Variants in RNF220 observed in about 807,000 individuals in gnomAD.
RNF220 encodes the protein ring finger protein 220.
A neutral mutation model predicts 67.1 loss-of-function variants in RNF220; 7 were observed. The observed-to-expected ratio is 0.10, with a 90% CI of 0.06 to 0.20. RNF220 has a LOEUF of 0.20. Among genes scored for constraint, RNF220 ranks in the 10% least tolerant of loss-of-function variants. The pLI, the probability that RNF220 is intolerant of heterozygous loss-of-function variation, is 1.00. For synonymous variants in RNF220, 270 were observed against 283.2 expected (o/e 0.95, Z 0.47); for missense variants, 565 against 740.3 (o/e 0.76, Z 2.75).
chr1:44,520,085 T>TTTTGTG (rs1275270439), intron 2 of RNF220, among the ~76,000 whole-genome samples: 3 of 106,386 alleles, frequency 2.8e-5, no homozygotes, highest in African/African-American at 1.1e-4. Flanking sequence ...AAGTCCAGCA[T>TTTTGTG]TGTGTGTGTG....
At chr1:44,528,645 C>T (rs1404573571) in intron 2 of RNF220, among the ~76,000 whole-genome samples, 2 of 141,506 alleles carry the variant, frequency 1.4e-5, no homozygotes, top group Non-Finnish European at 3.0e-5. Flanking sequence ...GACAGAATCT[C>T]ACTCTATTGC....
intron 2 of RNF220, among the ~76,000 whole-genome samples, chr1:44,446,640 A>G (rs1572528098): frequency 6.6e-6 from 1 of 150,650 alleles, no homozygotes. Context: ...GCTCACTGCA[A>G]CCTCCACCTC....
rs571697109 is a variant in RNF220 at position 44,447,944 on chromosome 1, G to A, written c.625+35222G>A. On this transcript the variant is annotated intron_variant, in intron 2 of 14. Coordinates refer to ENST00000361799, the MANE Select transcript of RNF220 (RefSeq NM_018150.4). The stretch of plus-strand genomic sequence containing the variant: ...ACAGCTTTGCGCGTCGCTTAGCTAC[G>A]GGGAGATGATGGTGGATGCAAACAT... Among the ~76,000 whole-genome samples the A allele has an allele frequency of 2.1e-3, 318 of 152,242 alleles. 1 individual carries two copies. The highest frequency in any genetic ancestry group is 3.3e-3 in the Non-Finnish European group (224 of 68,024).
Position 44,645,411 on chromosome 1 carries a change from G to A in RNF220, c.1368G>A (p.Glu456=), listed in dbSNP as rs373711880. ...TPEFSKWASD[E]MPSTSNGESS... ...TGAGTTGCCCCTCTGTCCCAGCAGA[G>A]ATGCCATCCACCAGCAATGGTGAAA... The change falls in exon 12 of 15, where the codon GAG becomes GAA. Residue 456 remains glutamate (E), a splice_region_variant and synonymous_variant. Transcript: ENST00000361799. This position sits in a 1 kb window ranked among gnomAD's most constrained non-coding sequence, Gnocchi z 5.0. The A allele has an allele frequency of 1.3e-5, 21 of 1,614,096 alleles. No individual in the cohort carries two copies. The African/African-American group carries it at 2.8e-4, about 22-fold the overall frequency.
chr1:44,617,094 C>T (rs1283881971), intron 3 of RNF220, among the ~76,000 whole-genome samples: 1 of 152,248 alleles, frequency 6.6e-6, no homozygotes, highest in Non-Finnish European at 1.5e-5. Context: ...AGCACCCCTA[C>T]GCCCATGCCC....
chr1:44,573,839 C>T (rs1053362370), intron 2 of RNF220, among the ~76,000 whole-genome samples: 5 of 152,182 alleles, frequency 3.3e-5, no homozygotes, highest in East Asian at 3.8e-4. Context: ...CAGGGCTGGG[C>T]GTGGTGGCTC....
intron 2 of RNF220, among the ~76,000 whole-genome samples, chr1:44,452,333 C>T (rs1262364676): frequency 6.6e-6 from 1 of 152,022 alleles, no homozygotes; most frequent in Non-Finnish European, 1.5e-5. Flanking sequence ...GTGGGCTGAT[C>T]GCTTGAGGTC....
intron 2 of RNF220, among the ~76,000 whole-genome samples, chr1:44,415,999 T>C (rs1476783061): frequency 6.7e-6 from 1 of 150,202 alleles, no homozygotes; most frequent in Admixed American, 6.8e-5. Flanking sequence ...GACAGAAATA[T>C]AGCGATTTGG....
intron 2 of RNF220, among the ~76,000 whole-genome samples, chr1:44,518,537 A>G (rs2148146906): frequency 6.6e-6 from 1 of 152,156 alleles, no homozygotes; most frequent in South Asian, 2.1e-4. Context: ...CAGGCAGTGC[A>G]TGGTATTCCT....
At chr1:44,432,142 CCCATGTTAAAGCA>C (rs1253302403) in intron 2 of RNF220, among the ~76,000 whole-genome samples, 3 of 152,094 alleles carry the variant, frequency 2.0e-5, no homozygotes. Context: ...CCTGTGTTTC[CCCATGTTAAAGCA>C]CTTTGAATTT....
chr1:44,463,266 C>T (rs1653958596), intron 2 of RNF220, among the ~76,000 whole-genome samples: 1 of 150,774 alleles, frequency 6.6e-6, no homozygotes, highest in Non-Finnish European at 1.5e-5. Flanking sequence ...ACCCGGGAGG[C>T]AGAAGCTGCA....
intron 6 of RNF220, 179 bp downstream of exon 6, chr1:44,632,564 C>T: frequency 1.5e-6 from 1 of 662,098 alleles, no homozygotes; most frequent in Non-Finnish European, 2.6e-6. Context: ...CCCCGTCTGT[C>T]TAATGGAGGT....
chr1:44,450,103 G>A lies in RNF220; in HGVS notation c.625+37381G>A, dbSNP rs148001936. ...GCATGCCTGTAATCCCAGCTACCCC[G>A]GAGGCTGAGGCAGGAGAATCGTTTG... On this transcript the variant is annotated intron_variant, in intron 2 of 14. Transcript: ENST00000361799. 6.2e-3 allele frequency among the ~76,000 whole-genome samples: 941 copies of A among 152,220 alleles called. 14 individuals are homozygous for A. Among genetic ancestry groups the A allele is most frequent in the African/African-American group, 0.021 (891 of 41,538 alleles).
chr1:44,461,127 G>A (rs1450276383), intron 2 of RNF220, among the ~76,000 whole-genome samples: 1 of 152,138 alleles, frequency 6.6e-6, no homozygotes, highest in Non-Finnish European at 1.5e-5. Flanking sequence ...CCTAGAGTCT[G>A]GTGCCTAGTC....
intron 2 of RNF220, among the ~76,000 whole-genome samples, chr1:44,555,752 G>C (rs1663029450): frequency 6.6e-6 from 1 of 150,660 alleles, no homozygotes; most frequent in Admixed American, 6.6e-5. Context: ...TGAGATTACA[G>C]GCGTGAGCCA....
At chr1:44,445,374 G>C (rs145396045) in intron 2 of RNF220, among the ~76,000 whole-genome samples, 148 of 152,224 alleles carry the variant, frequency 9.7e-4, no homozygotes, top group African/African-American at 3.3e-3. Context: ...AAACCCTGTT[G>C]TTGTAATTCC....
At chr1:44,627,796 C>T (rs1349843586) in intron 5 of RNF220, among the ~76,000 whole-genome samples, 2 of 152,172 alleles carry the variant, frequency 1.3e-5, no homozygotes, top group African/African-American at 4.8e-5. Flanking sequence ...AACCAGGGGC[C>T]CTGCTGGCAC....
chr1:44,507,060 TC>T (rs1658495997), intron 2 of RNF220, among the ~76,000 whole-genome samples: 1 of 151,882 alleles, frequency 6.6e-6, no homozygotes, highest in African/African-American at 2.4e-5. Context: ...GAGGCAGAGA[TC>T]CTCCAGCCCC....
At position 44,614,202 on chromosome 1, in the gene RNF220, C is replaced by G. The variant is rs751847469; in HGVS notation, c.663C>G (p.Ala221=). The stretch of plus-strand genomic sequence containing the variant: ...CAGCGGCATTGTTCGACAGCCAGGC[C>G]CCAATTTGCCCCATCTGCCAGGTCC... ...KKAAALFDSQ[A]PICPICQVLL... is the part of the protein sequence containing the mutation. Residue 221 remains alanine, a synonymous_variant, in exon 3 of 15, where the codon GCC becomes GCG. Coordinates refer to ENST00000361799, the MANE Select transcript of RNF220 (RefSeq NM_018150.4). 2.5e-6 allele frequency: 4 copies of G among 1,614,080 alleles called. No individual in the cohort carries two copies. The Admixed American group carries it at 5.0e-5, about 20-fold the overall frequency.
Sources: allele counts gnomAD v4.1 joint callset (sites outside exome capture counted in the v4.1 genomes callset), GRCh38; gene constraint gnomAD v4.1.1; non-coding constraint Gnocchi (gnomAD v3.1); transcripts MANE v1.5; gene names NCBI Gene and HGNC (gene_info 2026-07-23, HGNC 2026-07-21).